The following RCAN1 variants were observed in gnomAD, a reference collection of about 807,000 sequenced individuals.
The protein encoded by RCAN1 is regulator of calcineurin 1, also known as calcipressin-1.
A neutral mutation model predicts 22.9 loss-of-function variants in RCAN1; 11 were observed. The ratio of observed to expected loss-of-function variants is 0.48; its 90% CI spans 0.30 to 0.79. RCAN1 has a LOEUF of 0.79. Ranked by LOEUF, RCAN1 falls within the 30% of genes least tolerant of loss-of-function variation. The pLI is 0.06. For missense variants in RCAN1, 291 were observed against 337.8 expected (o/e 0.86, Z 1.09); for synonymous variants, 136 against 142.3 (o/e 0.96, Z 0.32).
chr21:34,575,636 C>T (rs1401016895), intron 1 of RCAN1, among the ~76,000 whole-genome samples: 1 of 152,180 alleles, frequency 6.6e-6, no homozygotes, highest in South Asian at 2.1e-4. Context: ...AATCTGCCCA[C>T]CTCAGCCTCC....
At chr21:34,568,806 T>TTAG (rs1310256886) in intron 1 of RCAN1, among the ~76,000 whole-genome samples, 1 of 152,230 alleles carries the variant, frequency 6.6e-6, no homozygotes, top group African/African-American at 2.4e-5. Flanking sequence ...AAGATCTTTC[T>TTAG]TAGTGTATTA....
At chr21:34,604,478 T>G (rs1988462560) in intron 1 of RCAN1, among the ~76,000 whole-genome samples, 1 of 152,104 alleles carries the variant, frequency 6.6e-6, no homozygotes, top group South Asian at 2.1e-4. Context: ...TCATCTCAGA[T>G]CAGTACTGTA....
chr21:34,614,502 G>C lies in RCAN1; in HGVS notation c.252+258C>G. The C allele has an allele frequency of 9.6e-7, 1 of 1,042,492 alleles. No homozygotes were observed. The highest frequency in any genetic ancestry group is 7.9e-5 in the East Asian group (1 of 12,618). 64.6% of individuals were successfully genotyped at this position (1,042,492 alleles called of 1,614,324 possible). ...TTCACCCCCCTAGTCGCACCAGCCT[G>C]GGCGCACACGGGGGCCGGGGCGAGC... On this transcript the variant is annotated intron_variant, in intron 1 of 3. Transcript: ENST00000313806. This position sits in a 1 kb window ranked among gnomAD's most constrained non-coding sequence, Gnocchi z 6.0.
intron 1 of RCAN1, among the ~76,000 whole-genome samples, chr21:34,596,132 T>A (rs868690393): frequency 2.6e-5 from 4 of 152,332 alleles, no homozygotes; most frequent in Middle Eastern, 3.4e-3. Context: ...GTGGCTATTA[T>A]GAGCCCCATC....
intron 1 of RCAN1, among the ~76,000 whole-genome samples, chr21:34,578,555 G>T (rs1349915000): frequency 6.6e-6 from 1 of 152,126 alleles, no homozygotes; most frequent in East Asian, 1.9e-4. Context: ...AGACAGACTA[G>T]TTCCAGACCA....
intron 1 of RCAN1, among the ~76,000 whole-genome samples, chr21:34,599,710 T>G (rs940718673): frequency 6.6e-6 from 1 of 152,196 alleles, no homozygotes; most frequent in African/African-American, 2.4e-5. Flanking sequence ...GGATACCAAC[T>G]ATTACTTTGA....
chr21:34,533,022 A>G (rs7281774), intron 1 of RCAN1, among the ~76,000 whole-genome samples: 4,690 of 149,038 alleles, frequency 0.031, 97 homozygotes, highest in African/African-American at 0.07. Flanking sequence ...GTGCAGTGGC[A>G]CTATCTCGGC....
chr21:34,564,142 T>A (rs1568911692), intron 1 of RCAN1, among the ~76,000 whole-genome samples: 1 of 151,964 alleles, frequency 6.6e-6, no homozygotes, highest in Non-Finnish European at 1.5e-5. Flanking sequence ...CCAGACACTT[T>A]ATAAAACCAT....
chr21:34,590,351 C>T (rs1987932320), intron 1 of RCAN1, among the ~76,000 whole-genome samples: 1 of 152,216 alleles, frequency 6.6e-6, no homozygotes, highest in African/African-American at 2.4e-5. Flanking sequence ...GCTTTGTTTT[C>T]CCCTGGGTCC....
chr21:34,542,085 A>G (rs1985937666), intron 1 of RCAN1, among the ~76,000 whole-genome samples: 1 of 152,184 alleles, frequency 6.6e-6, no homozygotes, highest in Middle Eastern at 3.2e-3. Context: ...GCCTATAAAC[A>G]GAGGTGAGGT....
chr21:34,522,315 A>C (rs1984632571), intron 2 of RCAN1: 1 of 152,230 alleles, frequency 6.6e-6, no homozygotes, highest in Non-Finnish European at 1.5e-5. Context: ...GAGCTCTTAC[A>C]TCTCAAGCTG....
At chr21:34,555,598 T>C (rs1986530062) in intron 1 of RCAN1, among the ~76,000 whole-genome samples, 1 of 150,150 alleles carries the variant, frequency 6.7e-6, no homozygotes, top group South Asian at 2.1e-4. Flanking sequence ...AAAATAATAA[T>C]AATAATAAAA....
chr21:34,520,401 C>T (rs189003501), intron 3 of RCAN1, among the ~76,000 whole-genome samples: 8 of 152,290 alleles, frequency 5.3e-5, no homozygotes, highest in East Asian at 1.9e-4. Flanking sequence ...GGGGAGCACA[C>T]GCTTCCTCAA....
rs952056042 is a variant in RCAN1 at position 34,521,329 on chromosome 21, AGGCAT to A, written c.586+165_586+169del. Reference sequence around the variant, plus strand: ...AACACTGCAGGTGGTGCCAAGAGGCAGGCATGCTCCCAGCACAAGGGACGGTGGCG... The same window carrying A: ...AACACTGCAGGTGGTGCCAAGAGGCAGCTCCCAGCACAAGGGACGGTGGCG... On this transcript the variant is annotated intron_variant, in intron 3 of 3. Transcript: ENST00000313806. The A allele has an allele frequency of 3.4e-6, 5 of 1,490,942 alleles. No homozygotes were observed. In the African/African-American group the frequency reaches 6.9e-5, roughly 21 times the overall value. 92.4% of individuals were successfully genotyped at this position (1,490,942 alleles called of 1,614,324 possible).
intron 1 of RCAN1, among the ~76,000 whole-genome samples, chr21:34,605,835 A>C (rs1281270353): frequency 6.6e-6 from 1 of 150,808 alleles, no homozygotes; most frequent in Non-Finnish European, 1.5e-5. Flanking sequence ...CAGGACAATC[A>C]CTTGAACCCG....
intron 1 of RCAN1, among the ~76,000 whole-genome samples, chr21:34,611,630 G>A (rs1206271536): frequency 1.3e-5 from 2 of 152,076 alleles, no homozygotes; most frequent in African/African-American, 4.8e-5. Flanking sequence ...AGGAGGGGAC[G>A]GCCAGACCCC....
chr21:34,555,942 C>T (rs147868091), intron 1 of RCAN1, among the ~76,000 whole-genome samples: 17,957 of 150,888 alleles, frequency 0.12, 1,071 homozygotes, highest in Middle Eastern at 0.16. Context: ...GGGTGCCTGT[C>T]GTCTCAGCTA....
chr21:34,526,784 C>T (rs751643919), intron 1 of RCAN1: 15 of 1,595,198 alleles, frequency 9.4e-6, no homozygotes, highest in African/African-American at 4.0e-5. Context: ...TACAGACCCA[C>T]GCAGTCAAGC....
intron 1 of RCAN1, among the ~76,000 whole-genome samples, chr21:34,602,117 T>C: frequency 6.6e-6 from 1 of 152,192 alleles, no homozygotes; most frequent in East Asian, 1.9e-4. Flanking sequence ...CTCCTGTCCT[T>C]GATACGATCA....
Sources: allele counts gnomAD v4.1 joint callset (sites outside exome capture counted in the v4.1 genomes callset), GRCh38; gene constraint gnomAD v4.1.1; non-coding constraint Gnocchi (gnomAD v3.1); transcripts MANE v1.5; gene names NCBI Gene and HGNC (gene_info 2026-07-23, HGNC 2026-07-21).